FBP2: variants seen among roughly 807,000 people sequenced by gnomAD.
FBP2 encodes fructose-bisphosphatase 2.
In FBP2, 27 loss-of-function variants were observed where a neutral mutation model predicts 31.6. That is an observed-to-expected ratio of 0.85 (90% CI 0.63 to 1.18). FBP2 has a LOEUF of 1.18. Among genes scored for constraint, FBP2 ranks in the 50% most tolerant of loss-of-function variants. FBP2 has a pLI of 0.00. For missense variants in FBP2, 421 were observed against 436.1 expected (o/e 0.97, Z 0.31); for synonymous variants, 168 against 179.8 (o/e 0.93, Z 0.53).
rs1171834000 is a variant in FBP2, at chr9:94,587,437, C to T, written c.203G>A (p.Gly68Glu). 5 of 1,613,960 alleles carry T rather than the reference C, an allele frequency of 3.1e-6. No individual in the cohort carries two copies. Among genetic ancestry groups the T allele is most frequent in the South Asian group, 1.1e-5 (1 of 91,070 alleles). Reference sequence around the variant, plus strand: ...CACATCCAGTTTCTTCACCTCATCTCCCGTCACGTTAACGCTTCCTGCGAT... The same window carrying T: ...CACATCCAGTTTCTTCACCTCATCTTCCGTCACGTTAACGCTTCCTGCGAT... ...YGIAGSVNVTGDEVKKLDVLS... is the reference protein window; with the variant it reads ...YGIAGSVNVTEDEVKKLDVLS... Residue 68 changes from glycine to glutamate, a missense_variant, in exon 2 of 7, where the codon GGA becomes GAA. Coordinates refer to ENST00000375337, the MANE Select transcript of FBP2 (RefSeq NM_003837.4).
In FBP2 at chr9:94,576,209, A is replaced by T. The variant is rs543988504; in HGVS notation, c.427-4607T>A. ...ATAATCATAAAAACAAGACCCAGAG[A>T]TACTGTACTCAGCACAATTCTCTTG... On this transcript the variant is annotated intron_variant, in intron 3 of 6. Transcript: ENST00000375337. 5.9e-5 allele frequency among the ~76,000 whole-genome samples: 9 copies of T among 152,328 alleles called. No individual in the cohort carries two copies. In the South Asian group the frequency reaches 1.9e-3, roughly 32 times the overall value.
chr9:94,589,988 C>G (rs1038541203), intron 1 of FBP2, among the ~76,000 whole-genome samples: 1 of 152,152 alleles, frequency 6.6e-6, no homozygotes, highest in African/African-American at 2.4e-5. Flanking sequence ...ACAGCAGGCC[C>G]AGGCCTGCGG....
Position 94,587,828 on chromosome 9 carries a change from G to A in FBP2, c.171-359C>T, listed in dbSNP as rs552231038. Among the ~76,000 whole-genome samples the A allele has an allele frequency of 2.0e-5, 3 of 152,084 alleles. 1 individual carries two copies. In the South Asian group the frequency reaches 6.2e-4, roughly 32 times the overall value. On this transcript the variant is annotated intron_variant, in intron 1 of 6. Coordinates refer to ENST00000375337, the MANE Select transcript of FBP2 (RefSeq NM_003837.4). ...CAAAAGTAAAGGACTGTGGCCTCCA[G>A]CTCCTGGAATTTGTTTTTTCTTTTT... is the stretch of plus-strand genomic sequence containing the variant.
chr9:94,565,265 C>T (rs1311759692), intron 5 of FBP2, among the ~76,000 whole-genome samples: 2 of 150,858 alleles, frequency 1.3e-5, no homozygotes, highest in Non-Finnish European at 2.9e-5. Context: ...ATCCCAGCTA[C>T]TCGGGAGGCT....
chr9:94,560,716 A>G (rs138119488), intron 6 of FBP2, among the ~76,000 whole-genome samples: 3,266 of 147,826 alleles, frequency 0.022, 58 homozygotes, highest in South Asian at 0.034. Flanking sequence ...ATGTTATTAT[A>G]TATTATATAA....
In FBP2 at chr9:94,593,770, T is replaced by C; in HGVS notation, c.-44A>G. On this transcript the variant is annotated 5_prime_UTR_variant, in exon 1 of 7. Transcript: ENST00000375337. Reference sequence around the variant, plus strand: ...AATCCTTTTCTCCCGGCAGGAAACCTTGCTTACTTCTGAGGGCTGCAGCTC... The same window carrying C: ...AATCCTTTTCTCCCGGCAGGAAACCCTGCTTACTTCTGAGGGCTGCAGCTC... The C allele has an allele frequency of 6.2e-7, 1 of 1,606,252 alleles. No individual in the cohort carries two copies. Among genetic ancestry groups the C allele is most frequent in the South Asian group, 1.1e-5 (1 of 89,700 alleles).
At chr9:94,561,765 G>C (rs781649) in intron 6 of FBP2, among the ~76,000 whole-genome samples, 146,074 of 151,954 alleles carry the variant, frequency 0.96, 70,227 homozygotes, top group East Asian at 1. Context: ...CACACACACA[G>C]AGAGACGTCG....
Position 94,593,495 on chromosome 9 carries a change from C to T in FBP2, c.170+62G>A, listed in dbSNP as rs933200798. On this transcript the variant is annotated intron_variant, in intron 1 of 6. Transcript: ENST00000375337. ...CAGTTTCTTGCCAAAGCACCTGCAG[C>T]TCCCACACCCCTGCCTGGGCCTGGG... is the stretch of plus-strand genomic sequence containing the variant. 1.5e-5 allele frequency: 23 copies of T among 1,492,018 alleles called. No individual in the cohort carries two copies. The African/African-American group carries it at 3.1e-4, about 20-fold the overall frequency. 92.4% of individuals were successfully genotyped at this position (1,492,018 alleles called of 1,614,324 possible).
intron 1 of FBP2, among the ~76,000 whole-genome samples, chr9:94,592,918 C>G (rs10114599): frequency 0.51 from 77,200 of 152,040 alleles, 19,783 homozygotes; most frequent in Admixed American, 0.63. Context: ...CATCTATGCT[C>G]GGATAAAGCA....
chr9:94,593,549 G>A lies in FBP2; in HGVS notation c.170+8C>T. 1.9e-6 allele frequency: 3 copies of A among 1,612,006 alleles called. No individual in the cohort carries two copies. Among genetic ancestry groups the A allele is most frequent in the Non-Finnish European group, 2.5e-6 (3 of 1,179,218 alleles). On this transcript the variant is annotated splice_region_variant and intron_variant, in intron 1 of 6. Transcript: ENST00000375337. The stretch of plus-strand genomic sequence containing the variant: ...CTCTGTGCCCCATGCCTGCTCCCCA[G>A]GACTCACAGGTGGGCCAGACCGGCC...
At chr9:94,592,723 C>G (rs1305314825) in intron 1 of FBP2, among the ~76,000 whole-genome samples, 2 of 152,178 alleles carry the variant, frequency 1.3e-5, no homozygotes, top group African/African-American at 4.8e-5. Flanking sequence ...TTAGTAGAGA[C>G]AGGGTTTCAA....
chr9:94,564,857 T>C (rs755047470), intron 5 of FBP2, among the ~76,000 whole-genome samples: 27 of 152,324 alleles, frequency 1.8e-4, no homozygotes, highest in South Asian at 1.2e-3. Flanking sequence ...AGGAATATGT[T>C]ATAGTGTTCT....
intron 4 of FBP2, chr9:94,567,611 G>T: frequency 1.8e-6 from 1 of 544,370 alleles, no homozygotes; most frequent in East Asian, 2.9e-5. Context: ...GGAAGCTCTA[G>T]CAGTAACACA....
intron 3 of FBP2, among the ~76,000 whole-genome samples, chr9:94,572,737 CACAT>C (rs1827282570): frequency 6.6e-6 from 1 of 152,152 alleles, no homozygotes; most frequent in South Asian, 2.1e-4. Context: ...TTTACACACA[CACAT>C]ATATACATGC....
intron 1 of FBP2, among the ~76,000 whole-genome samples, chr9:94,587,782 C>A (rs1386237830): frequency 6.6e-6 from 1 of 152,156 alleles, no homozygotes; most frequent in African/African-American, 2.4e-5. Flanking sequence ...AAATCAGACC[C>A]ATTGCCATAA....
At chr9:94,588,847 C>T (rs1039158202) in intron 1 of FBP2, among the ~76,000 whole-genome samples, 51 of 152,260 alleles carry the variant, frequency 3.3e-4, no homozygotes, top group African/African-American at 1.1e-3. Flanking sequence ...CTCTCTCATC[C>T]TCACAGGGTC....
intron 6 of FBP2, among the ~76,000 whole-genome samples, chr9:94,563,011 C>T (rs540878131): frequency 6.6e-6 from 1 of 152,156 alleles, no homozygotes; most frequent in Non-Finnish European, 1.5e-5. Context: ...GGACCATCAT[C>T]CCAGATCAGC....
At chr9:94,567,538 G>T (rs922018914) in intron 4 of FBP2, 131 bp from the exon 5 acceptor site, 9 of 1,065,280 alleles carry the variant, frequency 8.4e-6, no homozygotes, top group Non-Finnish European at 1.2e-5. Context: ...TGGTCACTCT[G>T]AACCTGCTCT....
At chr9:94,562,830 G>A (rs1040065949) in intron 6 of FBP2, among the ~76,000 whole-genome samples, 7 of 152,188 alleles carry the variant, frequency 4.6e-5, no homozygotes, top group African/African-American at 1.7e-4. Flanking sequence ...TATATTGGCT[G>A]AGTTCTGAGT....
Sources: allele counts gnomAD v4.1 joint callset (sites outside exome capture counted in the v4.1 genomes callset), GRCh38; gene constraint gnomAD v4.1.1; transcripts MANE v1.5; gene names NCBI Gene and HGNC (gene_info 2026-07-23, HGNC 2026-07-21).